The following PPARGC1A variants were observed in gnomAD, a reference collection of about 807,000 sequenced individuals.
PPARGC1A encodes the protein PPARG coactivator 1 alpha, also known as peroxisome proliferator-activated receptor gamma coactivator 1-alpha.
Under a neutral mutation model 88.7 loss-of-function variants are expected in PPARGC1A, and 25 were observed. That is an observed-to-expected ratio of 0.28 (90% confidence interval 0.21 to 0.39). The LOEUF (loss-of-function observed/expected upper bound fraction) is 0.39, where lower values mean the gene tolerates loss of function less well. Ranked by LOEUF, PPARGC1A falls within the 10% of genes least tolerant of loss-of-function variation. The probability of loss-of-function intolerance (pLI) is 1.00; values close to 1 mark genes in which losing one functional copy is unlikely to be tolerated. For synonymous variants in PPARGC1A, 363 were observed against 355.6 expected (o/e 1.02, Z -0.24); for missense variants, 880 against 968.7 (o/e 0.91, Z 1.22).
rs553848732 is a variant in PPARGC1A, at chr4:23,822,547, T to TA, written c.877+1732dup. On this transcript the variant is annotated intron_variant, in intron 7 of 12. Transcript: ENST00000264867. The stretch of plus-strand genomic sequence containing the variant: ...CTATGCTGCAGTGTTTTCCCTTTGA[T>TA]AACTCTTTTTCTCCCTTTGTGATTC... 3.9e-5 allele frequency among the ~76,000 whole-genome samples: 6 copies of TA among 152,128 alleles called. No homozygotes were observed. The South Asian group carries it at 1.2e-3, about 31-fold the overall frequency.
the PPARGC1A span, among the ~76,000 whole-genome samples, chr4:24,153,021 C>T: frequency 2.0e-5 from 3 of 152,178 alleles, no homozygotes; most frequent in African/African-American, 7.2e-5. Context: ...TTGTTCTTCC[C>T]TGCTGTGGAC....
At chr4:24,360,342 C>T in the PPARGC1A span, among the ~76,000 whole-genome samples, 1 of 152,124 alleles carries the variant, frequency 6.6e-6, no homozygotes, top group Non-Finnish European at 1.5e-5. Flanking sequence ...GGCTACTTTC[C>T]CTGACCTCAT....
chr4:23,826,965 T>G (rs948863182), intron 5 of PPARGC1A, among the ~76,000 whole-genome samples: 2 of 152,062 alleles, frequency 1.3e-5, no homozygotes, highest in African/African-American at 2.4e-5. Context: ...CAGCACAGGG[T>G]GAGGAGTAGC....
the PPARGC1A span, among the ~76,000 whole-genome samples, chr4:24,466,997 G>GGGAA: frequency 4.0e-3 from 398 of 99,850 alleles, 5 homozygotes; most frequent in African/African-American, 0.014. Context: ...GAGGGAGGGA[G>GGGAA]GAAGGAAGGG....
rs138055487 is a variant in PPARGC1A, at chr4:23,795,291, TTATATATATATATATATA to T, written c.*513_*530del. On this transcript the variant is annotated 3_prime_UTR_variant, in exon 13 of 13. Transcript: ENST00000264867. ...TTGTTAGTTTTCTTTCCTTTTTAAT[TTATATATATATATATATA>T]TATATATATATATATATATATTTCC... 3.8e-5 allele frequency: 1 copy of T among 26,634 alleles called. No individual in the cohort carries two copies. The highest frequency in any genetic ancestry group is 6.2e-5 in the Non-Finnish European group (1 of 16,128). 1.6% of individuals were successfully genotyped at this position (26,634 alleles called of 1,614,324 possible).
the PPARGC1A span, among the ~76,000 whole-genome samples, chr4:24,144,095 T>TTCAA: frequency 6.6e-6 from 1 of 152,198 alleles, no homozygotes; most frequent in Non-Finnish European, 1.5e-5. Context: ...ATGATTTCCC[T>TTCAA]GTAGGGGCTT....
chr4:24,189,282 C>T, the PPARGC1A span, among the ~76,000 whole-genome samples: 5 of 152,086 alleles, frequency 3.3e-5, no homozygotes, highest in South Asian at 2.1e-4. Context: ...GCTGAGAAAT[C>T]GTTAGAATGG....
the PPARGC1A span, among the ~76,000 whole-genome samples, chr4:24,386,699 T>C: frequency 6.6e-6 from 1 of 152,136 alleles, no homozygotes; most frequent in African/African-American, 2.4e-5. Context: ...TGTGAAGACC[T>C]CTTCAAGGAG....
chr4:24,387,878 GAA>G, the PPARGC1A span, among the ~76,000 whole-genome samples: 187 of 106,068 alleles, frequency 1.8e-3, 4 homozygotes, highest in African/African-American at 6.8e-3. Flanking sequence ...GGAAGAAAGA[GAA>G]AGAAAGAAAG....
At chr4:24,282,604 T>C in the PPARGC1A span, among the ~76,000 whole-genome samples, 1 of 152,248 alleles carries the variant, frequency 6.6e-6, no homozygotes, top group Non-Finnish European at 1.5e-5. Context: ...GAACATTTCT[T>C]ACTCAGTATT....
chr4:23,949,905 A>T, the PPARGC1A span, among the ~76,000 whole-genome samples: 12 of 152,142 alleles, frequency 7.9e-5, no homozygotes, highest in Non-Finnish European at 1.5e-4. Context: ...CTTGCTCAGA[A>T]TTCTGCTGAA....
chr4:23,941,272 G>T, the PPARGC1A span, among the ~76,000 whole-genome samples: 1 of 152,080 alleles, frequency 6.6e-6, no homozygotes, highest in South Asian at 2.1e-4. Context: ...TGTCAAGGCT[G>T]GTTTTGAACT....
At chr4:24,394,966 A>G in the PPARGC1A span, among the ~76,000 whole-genome samples, 3 of 152,248 alleles carry the variant, frequency 2.0e-5, no homozygotes, top group African/African-American at 7.2e-5. Flanking sequence ...CATATCTTGT[A>G]CAATGTCCTT....
chr4:24,033,851 G>A, the PPARGC1A span, among the ~76,000 whole-genome samples: 1 of 152,084 alleles, frequency 6.6e-6, no homozygotes, highest in African/African-American at 2.4e-5. Flanking sequence ...GCCGGTTGAT[G>A]GAATGTTTAA....
chr4:23,949,713 G>A, the PPARGC1A span, among the ~76,000 whole-genome samples: 1 of 152,104 alleles, frequency 6.6e-6, no homozygotes, highest in African/African-American at 2.4e-5. Flanking sequence ...GGTGCCACAA[G>A]GTTCAATGAC....
At chr4:23,984,128 G>A in the PPARGC1A span, among the ~76,000 whole-genome samples, 11 of 152,002 alleles carry the variant, frequency 7.2e-5, no homozygotes, top group East Asian at 1.9e-4. Flanking sequence ...GTTATTAATA[G>A]TTTCTCATAT....
the PPARGC1A span, among the ~76,000 whole-genome samples, chr4:24,189,648 C>G: frequency 5.9e-5 from 9 of 152,128 alleles, 1 homozygote; most frequent in African/African-American, 2.2e-4. Flanking sequence ...AGGCTATTAT[C>G]TTTCTGGCTT....
chr4:24,184,588 G>A, the PPARGC1A span, among the ~76,000 whole-genome samples: 12 of 152,176 alleles, frequency 7.9e-5, no homozygotes, highest in Admixed American at 6.5e-4. Context: ...AATATTAGCT[G>A]GTGGATTGGT....
the PPARGC1A span, among the ~76,000 whole-genome samples, chr4:24,105,464 G>A: frequency 6.6e-6 from 1 of 152,124 alleles, no homozygotes; most frequent in Non-Finnish European, 1.5e-5. Context: ...AATAGCAGGG[G>A]CGAAAATCAA....
Sources: allele counts gnomAD v4.1 joint callset (sites outside exome capture counted in the v4.1 genomes callset), GRCh38; gene constraint gnomAD v4.1.1; transcripts MANE v1.5; gene names NCBI Gene and HGNC (gene_info 2026-07-23, HGNC 2026-07-21).